Variants in AP3B1 observed in about 807,000 individuals in gnomAD.
AP3B1 encodes the protein AP-3 complex subunit beta-1.
Under a neutral mutation model 132.5 loss-of-function variants are expected in AP3B1, and 61 were observed. The observed-to-expected ratio is 0.46, with a 90% CI of 0.37 to 0.57. The LOEUF (loss-of-function observed/expected upper bound fraction) is 0.57, where lower values mean the gene tolerates loss of function less well. AP3B1 is among the 20% of genes least tolerant of loss of function. AP3B1 has a pLI of 0.00. For synonymous variants in AP3B1, 388 were observed against 438.3 expected (o/e 0.89, Z 1.43); for missense variants, 1,120 against 1,289.4 (o/e 0.87, Z 2.01).
At chr5:78,073,027 G>A (rs1580312114) in intron 22 of AP3B1, among the ~76,000 whole-genome samples, 1 of 152,026 alleles carries the variant, frequency 6.6e-6, no homozygotes, top group Admixed American at 6.6e-5. Flanking sequence ...GCCCACGTCT[G>A]ATATATTCTA....
At chr5:78,103,267 T>TG (rs1751201387) in intron 20 of AP3B1, among the ~76,000 whole-genome samples, 1 of 152,192 alleles carries the variant, frequency 6.6e-6, no homozygotes, top group African/African-American at 2.4e-5. Flanking sequence ...TTTCTCCATT[T>TG]GCAATTCATC....
intron 7 of AP3B1, among the ~76,000 whole-genome samples, chr5:78,193,163 A>T (rs1341396369): frequency 1.3e-5 from 2 of 152,212 alleles, no homozygotes; most frequent in Non-Finnish European, 2.9e-5. Flanking sequence ...GTAATATTTT[A>T]AAAATTTCAA....
chr5:78,100,714 A>G (rs560590417), intron 21 of AP3B1, among the ~76,000 whole-genome samples: 3 of 152,314 alleles, frequency 2.0e-5, no homozygotes, highest in South Asian at 2.1e-4. Context: ...AAGATTTTAA[A>G]ATGAATTTTG....
At chr5:78,023,707 C>T (rs3756594) in intron 24 of AP3B1, among the ~76,000 whole-genome samples, 37,240 of 151,986 alleles carry the variant, frequency 0.25, 5,362 homozygotes, top group Middle Eastern at 0.34. Flanking sequence ...GGAAAAAAGG[C>T]GTGTGCCAAA....
chr5:78,086,371 A>G (rs1750252151), intron 22 of AP3B1, among the ~76,000 whole-genome samples: 1 of 152,224 alleles, frequency 6.6e-6, no homozygotes, highest in South Asian at 2.1e-4. Context: ...ACTGTCATAA[A>G]CATTTCATGT....
Position 78,175,633 on chromosome 5 carries a change from G to A in AP3B1, c.1160C>T (p.Thr387Ile), listed in dbSNP as rs1744114827. Residue 387 changes from threonine (T) to isoleucine (I), a missense_variant, in exon 11 of 27, where the codon ACA becomes ATA. Physicochemically the swap from Thr to Ile is moderately conservative, Grantham distance 89. This residue lies in a region of AP3B1 where 906 missense variants were observed against 997.1 expected (regional missense o/e 0.91). Transcript: ENST00000255194. ...AAATGAAAGCATACATACCTTCAGT[G>A]TCTTGATCATAGTTGGATCAGTTGA... ...VRSTDPTMIKTLKLEILTNLA... is the reference protein window; with the variant it reads ...VRSTDPTMIKILKLEILTNLA... The A allele has an allele frequency of 1.2e-6, 2 of 1,612,270 alleles. No homozygotes were observed. The highest frequency in any genetic ancestry group is 1.7e-5 in the Admixed American group (1 of 59,990).
chr5:78,277,883 T>G (rs114238923), intron 1 of AP3B1, among the ~76,000 whole-genome samples: 1,532 of 152,300 alleles, frequency 0.01, 23 homozygotes, highest in African/African-American at 0.034. Context: ...ATCATTCATA[T>G]GCGTATTAAA....
At chr5:78,221,911 T>C (rs758637239) in intron 6 of AP3B1, among the ~76,000 whole-genome samples, 11 of 152,128 alleles carry the variant, frequency 7.2e-5, no homozygotes, top group African/African-American at 2.4e-4. Flanking sequence ...ATTTCAAAGA[T>C]AAAATCTTCA....
At chr5:78,255,904 T>C (rs765084003) in intron 2 of AP3B1, among the ~76,000 whole-genome samples, 15 of 151,958 alleles carry the variant, frequency 9.9e-5, no homozygotes, top group Non-Finnish European at 1.6e-4. Flanking sequence ...CTAATCACAA[T>C]AGAATAAAAC....
At chr5:78,015,342 A>C in intron 26 of AP3B1, 68 bp downstream of exon 26, 2 of 1,486,644 alleles carry the variant, frequency 1.3e-6, no homozygotes, top group Non-Finnish European at 1.9e-6. Flanking sequence ...AAAACAATGA[A>C]TTTAAAATTA....
intron 21 of AP3B1, among the ~76,000 whole-genome samples, chr5:78,098,331 T>C (rs1180679772): frequency 6.6e-6 from 1 of 151,678 alleles, no homozygotes; most frequent in African/African-American, 2.4e-5. Flanking sequence ...TATCTCAACA[T>C]ATAAAAATAT....
intron 7 of AP3B1, among the ~76,000 whole-genome samples, chr5:78,205,144 A>G (rs907197927): frequency 3.9e-5 from 6 of 152,172 alleles, no homozygotes; most frequent in African/African-American, 1.4e-4. Flanking sequence ...AACAGTAATA[A>G]AAGTTCACTA....
At chr5:78,126,215 C>T (rs559054505) in intron 17 of AP3B1, among the ~76,000 whole-genome samples, 2 of 151,944 alleles carry the variant, frequency 1.3e-5, no homozygotes, top group East Asian at 1.9e-4. Context: ...TCAAAAGTTG[C>T]ACAAATAGGC....
intron 2 of AP3B1, among the ~76,000 whole-genome samples, chr5:78,254,112 AAAG>A (rs1561201904): frequency 6.6e-6 from 1 of 151,938 alleles, no homozygotes; most frequent in African/African-American, 2.4e-5. Flanking sequence ...CAAGCAGAAG[AAAG>A]AATTCATGAG....
intron 2 of AP3B1, among the ~76,000 whole-genome samples, chr5:78,242,069 A>T (rs1747161942): frequency 6.6e-6 from 1 of 152,216 alleles, no homozygotes; most frequent in Non-Finnish European, 1.5e-5. Context: ...CTGACAGTTT[A>T]ATATGCTTAA....
At chr5:78,015,679 A>T in intron 25 of AP3B1, 131 bp from the exon 26 acceptor site, 1 of 857,260 alleles carries the variant, frequency 1.2e-6, no homozygotes, top group Non-Finnish European at 1.8e-6. Context: ...TGTAATTTAC[A>T]AGATAATTAT....
chr5:78,013,924 G>A (rs998511422), intron 26 of AP3B1, among the ~76,000 whole-genome samples: 3 of 152,194 alleles, frequency 2.0e-5, no homozygotes, highest in Non-Finnish European at 4.4e-5. Flanking sequence ...AGCACTTTGG[G>A]AGGCCGAGAC....
intron 14 of AP3B1, among the ~76,000 whole-genome samples, chr5:78,143,194 T>G (rs1580402439): frequency 1.3e-5 from 2 of 152,164 alleles, no homozygotes; most frequent in South Asian, 4.2e-4. Flanking sequence ...AACAATCTTT[T>G]GCAATTAAAA....
chr5:78,165,744 A>G, intron 11 of AP3B1, 72 bp from the exon 12 acceptor site: 1 of 1,027,182 alleles, frequency 9.7e-7, no homozygotes, highest in Non-Finnish European at 1.5e-6. Context: ...GAGTACAGAC[A>G]TTTAATTGAA....
Sources: gnomAD v4.1 joint callset for allele counts (sites outside exome capture counted in the v4.1 genomes callset) on GRCh38, gnomAD v4.1.1 for gene constraint, gnomAD v4.1.1 regional missense constraint, MANE v1.5 for transcripts, NCBI Gene and HGNC (gene_info 2026-07-23, HGNC 2026-07-21) for gene names.